The following SLC24A3 variants were observed in gnomAD, a reference collection of about 807,000 sequenced individuals.
The protein encoded by SLC24A3 is solute carrier family 24 member 3.
SLC24A3 carries 28 observed loss-of-function variants against 75.8 expected under a neutral mutation model. The ratio of observed to expected loss-of-function variants is 0.37; its 90% CI spans 0.27 to 0.51. The LOEUF is 0.51. SLC24A3 is among the 20% of genes least tolerant of loss of function. SLC24A3 has a pLI of 0.94. For missense variants in SLC24A3, 663 were observed against 847.8 expected, an observed-to-expected ratio of 0.78 and a Z score of 2.71; for synonymous variants, 372 against 334.1, an observed-to-expected ratio of 1.11 and a Z score of -1.24.
intron 2 of SLC24A3, among the ~76,000 whole-genome samples, chr20:19,392,039 A>G (rs530883693): frequency 6.6e-6 from 1 of 152,282 alleles, no homozygotes; most frequent in Admixed American, 6.5e-5. Context: ...GAGACCAGTG[A>G]TAGAGTCCTG....
rs569601602 is a variant in SLC24A3, at chr20:19,410,248, C to G, written c.272-105240C>G. On this transcript the variant is annotated intron_variant, in intron 2 of 16. Transcript: ENST00000328041. Reference sequence around the variant, plus strand: ...CTACAAAGAAGCAAGAAATGTGGCACCCAGAGGGAGAAAAATAAATTATCA... The same window carrying G: ...CTACAAAGAAGCAAGAAATGTGGCAGCCAGAGGGAGAAAAATAAATTATCA... 2.0e-5 allele frequency among the ~76,000 whole-genome samples: 3 copies of G among 152,188 alleles called. No homozygotes were observed. The South Asian group carries it at 6.2e-4, about 32-fold the overall frequency.
chr20:19,505,113 A>AT (rs1426429453), intron 2 of SLC24A3, among the ~76,000 whole-genome samples: 1 of 152,228 alleles, frequency 6.6e-6, no homozygotes, highest in Non-Finnish European at 1.5e-5. Context: ...GTTCCAAAGA[A>AT]TGTCTGTTCT....
intron 2 of SLC24A3, among the ~76,000 whole-genome samples, chr20:19,422,101 G>C (rs555503298): frequency 1.3e-5 from 2 of 151,974 alleles, no homozygotes; most frequent in Non-Finnish European, 2.9e-5. Context: ...AGTTCTGGTC[G>C]ATCCTACTGA....
At chr20:19,258,056 G>A (rs1044786810) in intron 1 of SLC24A3, among the ~76,000 whole-genome samples, 4 of 152,212 alleles carry the variant, frequency 2.6e-5, no homozygotes, top group Admixed American at 6.5e-5. Context: ...ATCAACCTCT[G>A]TTTTCTGCAG....
At chr20:19,600,932 A>G (rs968933207) in intron 6 of SLC24A3, among the ~76,000 whole-genome samples, 1 of 152,170 alleles carries the variant, frequency 6.6e-6, no homozygotes, top group African/African-American at 2.4e-5. Context: ...AGGCACTGAG[A>G]TTGCAGGTGT....
chr20:19,281,425 T>C (rs1051777914), intron 2 of SLC24A3, among the ~76,000 whole-genome samples: 10 of 152,198 alleles, frequency 6.6e-5, no homozygotes, highest in Admixed American at 1.3e-4. Flanking sequence ...TTGCTTTGAT[T>C]GCTTTGGTCC....
intron 6 of SLC24A3, among the ~76,000 whole-genome samples, chr20:19,620,225 C>T (rs989198844): frequency 2.0e-5 from 3 of 152,134 alleles, no homozygotes; most frequent in Non-Finnish European, 4.4e-5. Context: ...GGGCAGCTTC[C>T]AGCATGTTAG....
At chr20:19,596,498 T>C (rs1434482397) in intron 6 of SLC24A3, among the ~76,000 whole-genome samples, 1 of 152,206 alleles carries the variant, frequency 6.6e-6, no homozygotes, top group Non-Finnish European at 1.5e-5. Context: ...ATCCAACACA[T>C]TCTGAGGTTG....
chr20:19,295,611 T>C (rs1984038765), intron 2 of SLC24A3, among the ~76,000 whole-genome samples: 1 of 152,234 alleles, frequency 6.6e-6, no homozygotes, highest in Non-Finnish European at 1.5e-5. Context: ...ATTGAGATAA[T>C]CATGTGGTTT....
chr20:19,574,285 G>T (rs893224937), intron 3 of SLC24A3, among the ~76,000 whole-genome samples: 34 of 152,138 alleles, frequency 2.2e-4, no homozygotes, highest in Admixed American at 6.5e-4. Context: ...TCTGCTTCTT[G>T]GAAGTTACTC....
At chr20:19,228,939 G>A (rs1981942466) in intron 1 of SLC24A3, among the ~76,000 whole-genome samples, 1 of 152,078 alleles carries the variant, frequency 6.6e-6, no homozygotes, top group Non-Finnish European at 1.5e-5. Context: ...TAATTTCTAT[G>A]TTCCTCTATG....
intron 2 of SLC24A3, among the ~76,000 whole-genome samples, chr20:19,442,511 G>GA (rs1189606926): frequency 6.6e-6 from 1 of 152,090 alleles, no homozygotes; most frequent in African/African-American, 2.4e-5. Flanking sequence ...CATCTTCTTT[G>GA]TCAGAGTGTC....
chr20:19,262,179 G>A (rs910551614), intron 1 of SLC24A3, among the ~76,000 whole-genome samples: 13 of 152,066 alleles, frequency 8.5e-5, no homozygotes, highest in Admixed American at 2.6e-4. Context: ...CGAGGCGGGC[G>A]GATCACGAGG....
At chr20:19,231,566 GC>G (rs1458608467) in intron 1 of SLC24A3, among the ~76,000 whole-genome samples, 3 of 152,306 alleles carry the variant, frequency 2.0e-5, no homozygotes, top group Admixed American at 6.5e-5. Flanking sequence ...AATGGGGGGT[GC>G]CTCCAGGAGC....
chr20:19,318,209 G>C (rs1984627525), intron 2 of SLC24A3, among the ~76,000 whole-genome samples: 2 of 152,176 alleles, frequency 1.3e-5, no homozygotes, highest in African/African-American at 4.8e-5. Flanking sequence ...TAACCTGCTG[G>C]ATAACACAAG....
chr20:19,426,279 A>G (rs78304579), intron 2 of SLC24A3, among the ~76,000 whole-genome samples: 1,907 of 152,314 alleles, frequency 0.013, 23 homozygotes, highest in Non-Finnish European at 0.017. Context: ...TGTATAGGTA[A>G]CACCACCACC....
intron 6 of SLC24A3, among the ~76,000 whole-genome samples, chr20:19,603,403 G>A (rs1039553929): frequency 5.9e-5 from 9 of 152,170 alleles, no homozygotes; most frequent in Non-Finnish European, 1.0e-4. Context: ...AGTTCCGTGT[G>A]GAATGGGGGC....
At chr20:19,566,392 C>CATTT (rs1230205092) in intron 3 of SLC24A3, among the ~76,000 whole-genome samples, 1 of 152,220 alleles carries the variant, frequency 6.6e-6, no homozygotes, top group African/African-American at 2.4e-5. Flanking sequence ...TTTCTACATT[C>CATTT]CCACACCCTG....
At chr20:19,511,499 T>G (rs1033731584) in intron 2 of SLC24A3, among the ~76,000 whole-genome samples, 20 of 152,054 alleles carry the variant, frequency 1.3e-4, no homozygotes, top group African/African-American at 4.8e-4. Context: ...GGCTAATTTT[T>G]TGTATTTTTA....
Sources: gnomAD v4.1 joint callset for allele counts (sites outside exome capture counted in the v4.1 genomes callset) on GRCh38, gnomAD v4.1.1 for gene constraint, MANE v1.5 for transcripts, NCBI Gene and HGNC (gene_info 2026-07-23, HGNC 2026-07-21) for gene names.